Variants in RBPJ observed in about 807,000 individuals in gnomAD.
RBPJ encodes recombination signal binding protein for immunoglobulin kappa J region, also known as recombining binding protein suppressor of hairless.
RBPJ carries 9 observed loss-of-function variants against 67.8 expected under a neutral mutation model. The observed-to-expected ratio is 0.13, with a 90% confidence interval of 0.08 to 0.23. The LOEUF (loss-of-function observed/expected upper bound fraction) is 0.23, where lower values mean the gene tolerates loss of function less well. Ranked by LOEUF, RBPJ falls within the 10% of genes least tolerant of loss-of-function variation. The probability of loss-of-function intolerance (pLI) is 1.00; values close to 1 mark genes in which losing one functional copy is unlikely to be tolerated. For missense variants in RBPJ, 305 were observed against 595.6 expected, an observed-to-expected ratio of 0.51 and a Z score of 5.08; for synonymous variants, 198 against 203.3, an observed-to-expected ratio of 0.97 and a Z score of 0.22.
upstream of RBPJ, among the ~76,000 whole-genome samples, chr4:26,317,182 C>A (rs749500501): frequency 6.6e-6 from 1 of 151,220 alleles, no homozygotes; most frequent in Non-Finnish European, 1.5e-5. Context: ...ATGATAGGTG[C>A]CATGGACAAA....
chr4:26,403,101 TAAA>T (rs1055767724), intron 2 of RBPJ, among the ~76,000 whole-genome samples: 3 of 152,220 alleles, frequency 2.0e-5, no homozygotes, highest in Admixed American at 2.0e-4. Flanking sequence ...TACGTATTTT[TAAA>T]AAACCTTAAT....
intron 1 of RBPJ, among the ~76,000 whole-genome samples, chr4:26,209,148 A>G (rs771433366): frequency 1.1e-4 from 17 of 151,728 alleles, no homozygotes; most frequent in African/African-American, 3.9e-4. Context: ...TACTCTCAAC[A>G]TGGCCTATTT....
intron 1 of RBPJ, among the ~76,000 whole-genome samples, chr4:26,298,366 C>T (rs1167946615): frequency 1.3e-5 from 2 of 152,102 alleles, no homozygotes; most frequent in South Asian, 2.1e-4. Flanking sequence ...CCCAAATGAC[C>T]ATCTAGAGAG....
the RBPJ span, among the ~76,000 whole-genome samples, chr4:26,152,489 G>A: frequency 3.3e-5 from 5 of 152,222 alleles, no homozygotes; most frequent in Non-Finnish European, 5.9e-5. Context: ...CTGGTACATA[G>A]TAAAGCCAGG....
chr4:26,416,542 T>C (rs1417599842), intron 4 of RBPJ, among the ~76,000 whole-genome samples: 1 of 152,238 alleles, frequency 6.6e-6, no homozygotes, highest in African/African-American at 2.4e-5. Flanking sequence ...TCTATACTTT[T>C]AGTATTGAAA....
chr4:26,320,805 C>A (rs1381560521), upstream of RBPJ: 1 of 1,557,154 alleles, frequency 6.4e-7, no homozygotes, highest in African/African-American at 1.4e-5. Context: ...TGCGCATGCT[C>A]CATCGCCTGG....
upstream of RBPJ, among the ~76,000 whole-genome samples, chr4:26,159,314 A>G (rs1340992822): frequency 1.3e-5 from 2 of 152,212 alleles, no homozygotes; most frequent in African/African-American, 4.8e-5. Flanking sequence ...ATTTGAGTCC[A>G]GACTTGTTGC....
At chr4:26,357,738 C>A (rs567770636) in intron 1 of RBPJ, among the ~76,000 whole-genome samples, 2 of 152,216 alleles carry the variant, frequency 1.3e-5, no homozygotes, top group South Asian at 4.2e-4. Context: ...CTCCCCATTG[C>A]CCCCAGGTCC....
rs1227881489 is a variant in RBPJ, at chr4:26,430,897, T to G, written c.1354T>G (p.Ser452Ala). 17 of 1,613,838 alleles carry G rather than the reference T, an allele frequency of 1.1e-5. No homozygotes were observed. In the East Asian group the frequency reaches 3.8e-4, roughly 36 times the overall value. The change falls in exon 11 of 11, where the codon TCA (serine) becomes GCA (alanine). Residue 452 changes from serine to alanine, a missense_variant. Physicochemically the swap from Ser to Ala is moderately conservative, Grantham distance 99. Coordinates refer to ENST00000355476, the MANE Select transcript of RBPJ (RefSeq NM_015874.6). This position sits in a 1 kb window ranked among gnomAD's most constrained non-coding sequence, Gnocchi z 4.1. Reference protein sequence around the residue: ...SAAGAILRANSSQVPPNESNT... With the variant: ...SAAGAILRANASQVPPNESNT... ...AGCAGGAGCAATCCTTCGAGCCAATTCAAGCCAGGTGCCCCCTAACGAATC... is the reference window on the plus strand; with the variant it reads ...AGCAGGAGCAATCCTTCGAGCCAATGCAAGCCAGGTGCCCCCTAACGAATC...
intron 2 of RBPJ, among the ~76,000 whole-genome samples, chr4:26,390,826 G>A (rs1731422461): frequency 6.6e-6 from 1 of 152,214 alleles, no homozygotes; most frequent in African/African-American, 2.4e-5. Flanking sequence ...AGGCCAAGGT[G>A]TGAGGATCAC....
At chr4:26,351,414 G>A (rs1726788486) in intron 1 of RBPJ, among the ~76,000 whole-genome samples, 2 of 152,098 alleles carry the variant, frequency 1.3e-5, no homozygotes, top group Non-Finnish European at 2.9e-5. Flanking sequence ...TTTGGTGGGG[G>A]GTGGGTGACT....
chr4:26,238,408 A>C (rs1719521022), intron 1 of RBPJ, among the ~76,000 whole-genome samples: 1 of 152,214 alleles, frequency 6.6e-6, no homozygotes, highest in Non-Finnish European at 1.5e-5. Flanking sequence ...TTGTCTGTAA[A>C]ACAAGGAGAA....
chr4:26,229,441 C>T (rs550068552), intron 1 of RBPJ, among the ~76,000 whole-genome samples: 25 of 152,160 alleles, frequency 1.6e-4, no homozygotes, highest in Admixed American at 3.3e-4. Flanking sequence ...CCCCACAGCA[C>T]CCTCTGGTCT....
chr4:26,205,099 G>A (rs926024673), intron 1 of RBPJ, among the ~76,000 whole-genome samples: 2 of 152,196 alleles, frequency 1.3e-5, no homozygotes, highest in Admixed American at 6.5e-5. Flanking sequence ...AAGGGCCCAG[G>A]GCTCCCGCTG....
rs973626043 is a variant in RBPJ, at chr4:26,299,302, C to G, written c.-166-63144C>G. Among the ~76,000 whole-genome samples the G allele has an allele frequency of 2.0e-5, 3 of 152,170 alleles. No individual in the cohort carries two copies. In the South Asian group the frequency reaches 6.2e-4, roughly 31 times the overall value. ...TCTAAATCTGTTTAGAAGAACACCC[C>G]TATCTAGAAGATTCACCCAAATTTC... is the stretch of plus-strand genomic sequence containing the variant. On this transcript the variant is annotated intron_variant, in intron 1 of 4. Transcript: ENST00000512351.
chr4:26,206,621 C>T (rs957115691), intron 1 of RBPJ, among the ~76,000 whole-genome samples: 13 of 152,128 alleles, frequency 8.5e-5, no homozygotes, highest in African/African-American at 2.9e-4. Context: ...TTGCCAAGAC[C>T]AATATTGATC....
chr4:26,386,835 T>A (rs553622809), intron 2 of RBPJ, among the ~76,000 whole-genome samples: 1 of 152,368 alleles, frequency 6.6e-6, no homozygotes, highest in Admixed American at 6.5e-5. Flanking sequence ...ATATACATTT[T>A]AATTATGAAT....
intron 1 of RBPJ, among the ~76,000 whole-genome samples, chr4:26,170,677 T>G (rs1716544809): frequency 6.6e-6 from 1 of 152,228 alleles, no homozygotes; most frequent in South Asian, 2.1e-4. Context: ...TCAGTAATTT[T>G]TGTTAACTGT....
intron 1 of RBPJ, among the ~76,000 whole-genome samples, chr4:26,219,270 G>T (rs942991122): frequency 1.3e-5 from 2 of 152,212 alleles, no homozygotes; most frequent in Admixed American, 6.5e-5. Context: ...GGGGTGGCAA[G>T]GTTACCTGGG....
Sources: allele counts gnomAD v4.1 joint callset (sites outside exome capture counted in the v4.1 genomes callset), GRCh38; gene constraint gnomAD v4.1.1; non-coding constraint Gnocchi (gnomAD v3.1); transcripts MANE v1.5; gene names NCBI Gene and HGNC (gene_info 2026-07-23, HGNC 2026-07-21).